The following ATG7 variants were observed in gnomAD, a reference collection of about 807,000 sequenced individuals.
ATG7 encodes the protein ubiquitin-like modifier-activating enzyme ATG7.
ATG7 carries 70 observed loss-of-function variants against 82.4 expected under a neutral mutation model. The ratio of observed to expected loss-of-function variants is 0.85; its 90% confidence interval spans 0.70 to 1.04. ATG7 has a LOEUF of 1.04. ATG7 is among the 50% of genes least tolerant of loss of function. The pLI, the probability that ATG7 is intolerant of heterozygous loss-of-function variation, is 0.00. For synonymous variants in ATG7, 287 were observed against 313.0 expected, an observed-to-expected ratio of 0.92 and a Z score of 0.88; for missense variants, 792 against 864.3, an observed-to-expected ratio of 0.92 and a Z score of 1.05.
At chr3:11,564,913 A>G in the ATG7 span, 3 of 1,601,406 alleles carry the variant, frequency 1.9e-6, no homozygotes, top group Non-Finnish European at 2.6e-6. Flanking sequence ...AGGGAGGTGT[A>G]CAGGTGGCTG....
chr3:11,466,747 G>A (rs73139508), intron 20 of ATG7, among the ~76,000 whole-genome samples: 2,354 of 152,294 alleles, frequency 0.015, 69 homozygotes, highest in African/African-American at 0.054. Flanking sequence ...ACTGTTGGAT[G>A]CATTAGCATC....
chr3:11,296,070 G>A (rs1945862694), intron 3 of ATG7, among the ~76,000 whole-genome samples: 3 of 152,120 alleles, frequency 2.0e-5, no homozygotes, highest in Non-Finnish European at 4.4e-5. Flanking sequence ...GAGCCACCGC[G>A]CCTGGCCTAC....
chr3:11,410,677 C>T (rs1305719263), intron 19 of ATG7, among the ~76,000 whole-genome samples: 2 of 152,176 alleles, frequency 1.3e-5, no homozygotes, highest in East Asian at 3.8e-4. Context: ...TTGTGATTGG[C>T]TTATTCCATT....
intron 3 of ATG7, among the ~76,000 whole-genome samples, chr3:11,293,375 T>C (rs1057418304): frequency 6.7e-6 from 1 of 149,448 alleles, no homozygotes; most frequent in Admixed American, 6.7e-5. Flanking sequence ...CCCAAAAATA[T>C]AAAAAATTAG....
intron 3 of ATG7, among the ~76,000 whole-genome samples, chr3:11,292,325 TC>T (rs1260215076): frequency 6.6e-6 from 1 of 150,922 alleles, no homozygotes; most frequent in Non-Finnish European, 1.5e-5. Flanking sequence ...ACGATCTCCA[TC>T]TTGGCTCACT....
intron 20 of ATG7, among the ~76,000 whole-genome samples, chr3:11,544,426 G>C (rs925216136): frequency 6.6e-6 from 1 of 152,210 alleles, no homozygotes; most frequent in Non-Finnish European, 1.5e-5. Flanking sequence ...CCCCAATCCT[G>C]CCTGGGGCCT....
chr3:11,436,747 A>G (rs894651613), intron 20 of ATG7, among the ~76,000 whole-genome samples: 1 of 152,242 alleles, frequency 6.6e-6, no homozygotes, highest in Non-Finnish European at 1.5e-5. Flanking sequence ...AGGAAGTACT[A>G]ATACATGTTA....
At chr3:11,290,635 C>T in intron 3 of ATG7, 1 of 271,636 alleles carries the variant, frequency 3.7e-6, no homozygotes, top group South Asian at 3.0e-5. Flanking sequence ...AGACGCACAA[C>T]CTTGAAGGCA....
chr3:11,484,421 C>A (rs556596368), intron 20 of ATG7, among the ~76,000 whole-genome samples: 4 of 152,212 alleles, frequency 2.6e-5, no homozygotes, highest in South Asian at 2.1e-4. Context: ...AACAAAAAAA[C>A]CACAAAAACG....
intron 20 of ATG7, among the ~76,000 whole-genome samples, chr3:11,540,407 G>C (rs1336765781): frequency 6.6e-6 from 1 of 152,052 alleles, no homozygotes; most frequent in Non-Finnish European, 1.5e-5. Context: ...GTTTCCATCG[G>C]GTTGTTATAT....
At chr3:11,391,078 G>C (rs1055158679) in intron 19 of ATG7, among the ~76,000 whole-genome samples, 1 of 152,140 alleles carries the variant, frequency 6.6e-6, no homozygotes. Context: ...TCTTTTGTCT[G>C]AACAGAGATC....
At chr3:11,384,467 C>A (rs1452006996) in intron 19 of ATG7, among the ~76,000 whole-genome samples, 1 of 152,158 alleles carries the variant, frequency 6.6e-6, no homozygotes, top group African/African-American at 2.4e-5. Context: ...TTAAACTCCT[C>A]AAAGTGACTT....
chr3:11,539,769 A>C (rs1465501246), intron 20 of ATG7, among the ~76,000 whole-genome samples: 1 of 152,254 alleles, frequency 6.6e-6, no homozygotes, highest in Non-Finnish European at 1.5e-5. Flanking sequence ...GTAAAAGTGC[A>C]CATTTCTGAG....
intron 19 of ATG7, among the ~76,000 whole-genome samples, chr3:11,401,883 A>G (rs565871288): frequency 6.6e-6 from 1 of 152,206 alleles, no homozygotes; most frequent in Non-Finnish European, 1.5e-5. Context: ...TGATCCTTTT[A>G]TTAGTTTGTT....
At chr3:11,307,123 G>T in intron 6 of ATG7, 63 bp downstream of exon 6, 1 of 1,462,292 alleles carries the variant, frequency 6.8e-7, no homozygotes, top group East Asian at 2.3e-5. Context: ...TGCAGTGTTT[G>T]TGATCAGGCA....
At chr3:11,522,424 T>C (rs2092466020) in intron 20 of ATG7, among the ~76,000 whole-genome samples, 1 of 152,124 alleles carries the variant, frequency 6.6e-6, no homozygotes, top group African/African-American at 2.4e-5. Context: ...CTGGGCTTGC[T>C]AGGGGACACT....
At chr3:11,358,351 A>G in intron 14 of ATG7, 67 bp from the exon 15 acceptor site, 3 of 1,479,488 alleles carry the variant, frequency 2.0e-6, no homozygotes, top group Non-Finnish European at 1.8e-6. Context: ...AGCTGTGGGA[A>G]GTGTGGGCTC....
At position 11,530,495 on chromosome 3, in the gene ATG7, G is replaced by A. The variant is rs548195743; in HGVS notation, c.2080-24316G>A. On this transcript the variant is annotated intron_variant, in intron 20 of 20. Coordinates refer to ENST00000693202, the MANE Select transcript of ATG7 (RefSeq NM_001349232.2). ...AAATGATGATTTGCTTTAAAGAAAT[G>A]CAAGAAATGCAAAGATAAATACAAG... 2.6e-5 allele frequency among the ~76,000 whole-genome samples: 4 copies of A among 152,262 alleles called. No homozygotes were observed. The East Asian group carries it at 5.8e-4, about 22-fold the overall frequency.
chr3:11,543,846 G>C (rs537988269), intron 20 of ATG7, among the ~76,000 whole-genome samples: 2 of 152,234 alleles, frequency 1.3e-5, no homozygotes, highest in Non-Finnish European at 2.9e-5. Flanking sequence ...GGGGACGGGA[G>C]GGGGAGGACC....
Sources: allele counts gnomAD v4.1 joint callset (sites outside exome capture counted in the v4.1 genomes callset), GRCh38; gene constraint gnomAD v4.1.1; transcripts MANE v1.5; gene names NCBI Gene and HGNC (gene_info 2026-07-23, HGNC 2026-07-21).